KCNB2: variants seen among roughly 807,000 people sequenced by gnomAD.
KCNB2 encodes the protein delayed rectifier potassium channel protein.
KCNB2 carries 15 observed loss-of-function variants against 61.5 expected under a neutral mutation model. The observed-to-expected ratio is 0.24, with a 90% CI of 0.16 to 0.38. The LOEUF is 0.38. Ranked by LOEUF, KCNB2 falls within the 10% of genes least tolerant of loss-of-function variation. KCNB2 has a pLI of 1.00. For synonymous variants in KCNB2, 457 were observed against 446.0 expected (o/e 1.02, Z -0.31); for missense variants, 828 against 1,125.2 (o/e 0.74, Z 3.78).
intron 2 of KCNB2, among the ~76,000 whole-genome samples, chr8:72,821,659 A>AAAAAAAAAAAAAAAAAAAAAAAAAC (rs1554535735): frequency 8.5e-6 from 1 of 116,998 alleles, no homozygotes; most frequent in African/African-American, 3.2e-5. Context: ...AAAAAAAAAA[A>AAAAAAAAAAAAAAAAAAAAAAAAAC]ACACACACAC....
intron 2 of KCNB2, among the ~76,000 whole-genome samples, chr8:72,688,197 G>A (rs1806885106): frequency 6.6e-6 from 1 of 152,172 alleles, no homozygotes; most frequent in Non-Finnish European, 1.5e-5. Flanking sequence ...TGATTGTCGT[G>A]TACCTACTTG....
At chr8:72,789,542 G>C (rs114105788) in intron 2 of KCNB2, among the ~76,000 whole-genome samples, 2,747 of 152,202 alleles carry the variant, frequency 0.018, 96 homozygotes, top group African/African-American at 0.063. Context: ...CATGCAGGAA[G>C]ACAAAGCCGT....
At chr8:72,735,913 C>G (rs1434350528) in intron 2 of KCNB2, among the ~76,000 whole-genome samples, 1 of 152,028 alleles carries the variant, frequency 6.6e-6, no homozygotes, top group East Asian at 1.9e-4. Context: ...TTATAGCTTC[C>G]CAGTAAATCA....
At chr8:72,871,582 G>A (rs1028918696) in intron 2 of KCNB2, among the ~76,000 whole-genome samples, 9 of 152,090 alleles carry the variant, frequency 5.9e-5, no homozygotes, top group Non-Finnish European at 1.0e-4. Context: ...CATGCAATAG[G>A]CACCCAGCAG....
rs1009144798 is a variant in KCNB2 at position 72,643,008 on chromosome 8, C to A, written c.579+74695C>A. On this transcript the variant is annotated intron_variant, in intron 2 of 2. Transcript: ENST00000523207. ...TTTTGAGCCTGCCAAGTAAAGGAAA[C>A]GAAATTTAAACTAGTCTACCAGAGC... Among the ~76,000 whole-genome samples the A allele has an allele frequency of 2.6e-5, 4 of 152,134 alleles. No individual in the cohort carries two copies. In the East Asian group the frequency reaches 7.7e-4, roughly 29 times the overall value.
At chr8:72,610,516 T>C (rs1300422670) in intron 2 of KCNB2, among the ~76,000 whole-genome samples, 2 of 152,126 alleles carry the variant, frequency 1.3e-5, no homozygotes, top group Non-Finnish European at 2.9e-5. Flanking sequence ...AACAAAAGGT[T>C]AGGGATATGA....
intron 2 of KCNB2, among the ~76,000 whole-genome samples, chr8:72,581,258 C>T (rs907076834): frequency 2.0e-5 from 3 of 152,206 alleles, no homozygotes; most frequent in African/African-American, 7.2e-5. Flanking sequence ...CCTTCTCTGT[C>T]CTTCTTTCTG....
intron 2 of KCNB2, among the ~76,000 whole-genome samples, chr8:72,620,787 T>C (rs1450407614): frequency 6.6e-6 from 1 of 152,076 alleles, no homozygotes; most frequent in Non-Finnish European, 1.5e-5. Context: ...TTCGTGTTTT[T>C]AGTAGAGACG....
chr8:72,583,004 A>G (rs1806931285), intron 2 of KCNB2, among the ~76,000 whole-genome samples: 1 of 152,188 alleles, frequency 6.6e-6, no homozygotes, highest in Admixed American at 6.5e-5. Flanking sequence ...AAAGAATAAT[A>G]ATGGTATCAG....
At chr8:72,638,591 A>G (rs1456343104) in intron 2 of KCNB2, among the ~76,000 whole-genome samples, 2 of 152,166 alleles carry the variant, frequency 1.3e-5, no homozygotes, top group African/African-American at 2.4e-5. Context: ...AGCTGGCCAT[A>G]AAGTTGGAAC....
intron 2 of KCNB2, among the ~76,000 whole-genome samples, chr8:72,795,893 A>C (rs1357744203): frequency 6.6e-6 from 1 of 152,196 alleles, no homozygotes; most frequent in Non-Finnish European, 1.5e-5. Context: ...TTATGCATCA[A>C]AAACCAAACT....
chr8:72,692,980 G>A (rs1806962927), intron 2 of KCNB2, among the ~76,000 whole-genome samples: 1 of 151,858 alleles, frequency 6.6e-6, no homozygotes, highest in South Asian at 2.1e-4. Context: ...TTGTTTTAAG[G>A]ATTTGCTCAT....
intron 2 of KCNB2, among the ~76,000 whole-genome samples, chr8:72,735,194 G>A (rs1554587790): frequency 6.6e-6 from 1 of 152,114 alleles, no homozygotes. Context: ...TGGCATCCAG[G>A]AGTGAAGTTC....
chr8:72,663,199 C>A (rs2250105), intron 2 of KCNB2, among the ~76,000 whole-genome samples: 64,124 of 152,026 alleles, frequency 0.42, 16,464 homozygotes, highest in East Asian at 0.76. Context: ...AACCTGTCTA[C>A]GGTTTGCACA....
intron 2 of KCNB2, among the ~76,000 whole-genome samples, chr8:72,830,322 T>A (rs754078360): frequency 6.7e-6 from 1 of 149,714 alleles, no homozygotes; most frequent in Non-Finnish European, 1.5e-5. Context: ...CAGACGATTA[T>A]CCTCACCTGT....
At chr8:72,813,904 C>T (rs1028786119) in intron 2 of KCNB2, among the ~76,000 whole-genome samples, 4 of 151,944 alleles carry the variant, frequency 2.6e-5, no homozygotes, top group African/African-American at 4.8e-5. Flanking sequence ...ATGTGCACAA[C>T]GTGCAGGTTT....
chr8:72,842,750 AGTTT>A (rs1809914044), intron 2 of KCNB2, among the ~76,000 whole-genome samples: 1 of 152,124 alleles, frequency 6.6e-6, no homozygotes, highest in Admixed American at 6.5e-5. Context: ...CTCTCATGGT[AGTTT>A]GTACTTCTGT....
chr8:72,778,754 A>AG, intron 2 of KCNB2, among the ~76,000 whole-genome samples: 1 of 145,678 alleles, frequency 6.9e-6, no homozygotes, highest in African/African-American at 2.5e-5. Flanking sequence ...AAAAAAAAAA[A>AG]AAAAAAAAAG....
chr8:72,729,138 A>T (rs1336806981), intron 2 of KCNB2, among the ~76,000 whole-genome samples: 1 of 152,174 alleles, frequency 6.6e-6, no homozygotes, highest in Non-Finnish European at 1.5e-5. Flanking sequence ...CACAATGAGG[A>T]GTTCCCACTG....
Sources: allele counts gnomAD v4.1 joint callset (sites outside exome capture counted in the v4.1 genomes callset), GRCh38; gene constraint gnomAD v4.1.1; transcripts MANE v1.5; gene names NCBI Gene and HGNC (gene_info 2026-07-23, HGNC 2026-07-21).